CCDC6: variants seen among roughly 807,000 people sequenced by gnomAD.
The protein encoded by CCDC6 is coiled-coil domain-containing protein 6.
Under a neutral mutation model 56.6 loss-of-function variants are expected in CCDC6, and 20 were observed. The ratio of observed to expected loss-of-function variants is 0.35; its 90% CI spans 0.25 to 0.51. The LOEUF is 0.51. Ranked by LOEUF, CCDC6 falls within the 20% of genes least tolerant of loss-of-function variation. The probability of loss-of-function intolerance (pLI) is 0.95; values close to 1 mark genes in which losing one functional copy is unlikely to be tolerated. For missense variants in CCDC6, 367 were observed against 601.1 expected (o/e 0.61, Z 4.07); for synonymous variants, 241 against 234.4 (o/e 1.03, Z -0.26).
At chr10:59,815,791 T>C (rs1210721588) in intron 3 of CCDC6, among the ~76,000 whole-genome samples, 1 of 152,244 alleles carries the variant, frequency 6.6e-6, no homozygotes, top group African/African-American at 2.4e-5. Context: ...TTATTCTTGA[T>C]TGCACAAAGA....
chr10:59,904,614 C>T (rs541931343), intron 1 of CCDC6, among the ~76,000 whole-genome samples: 1 of 152,364 alleles, frequency 6.6e-6, no homozygotes, highest in East Asian at 1.9e-4. Context: ...GCATAGGAGG[C>T]TTGGAAGTGG....
At chr10:59,794,086 C>T (rs530423941) in intron 8 of CCDC6, among the ~76,000 whole-genome samples, 2 of 152,218 alleles carry the variant, frequency 1.3e-5, no homozygotes, top group East Asian at 3.9e-4. Flanking sequence ...AGTAACATTA[C>T]AAACAAGGCT....
chr10:59,841,462 T>G (rs899881192), intron 2 of CCDC6, among the ~76,000 whole-genome samples: 2 of 152,192 alleles, frequency 1.3e-5, no homozygotes, highest in African/African-American at 2.4e-5. Flanking sequence ...AGAAATACAA[T>G]TTTTCATATG....
In CCDC6 at chr10:59,789,299, T is replaced by C. The variant is rs1350442165; in HGVS notation, c.*3618A>G. The C allele has an allele frequency of 1.7e-5, 4 of 231,446 alleles. No homozygotes were observed. The East Asian group carries it at 2.4e-4, about 14-fold the overall frequency. 14.3% of individuals were successfully genotyped at this position (231,446 alleles called of 1,614,324 possible). ...CACACATGCACACACACAGCACCCA[T>C]GCTATCAAGACACAGGATTTTTTCA... On this transcript the variant is annotated 3_prime_UTR_variant, in exon 9 of 9. Transcript: ENST00000263102.
chr10:59,869,322 C>T (rs183096034), intron 1 of CCDC6, among the ~76,000 whole-genome samples: 48 of 143,204 alleles, frequency 3.4e-4, no homozygotes, highest in African/African-American at 1.2e-3. Context: ...CCAACATAAT[C>T]GACCCCAAAC....
At chr10:59,889,385 T>C (rs1422348341) in intron 1 of CCDC6, among the ~76,000 whole-genome samples, 5 of 152,204 alleles carry the variant, frequency 3.3e-5, no homozygotes, top group Non-Finnish European at 7.3e-5. Context: ...AGCCTGCTGT[T>C]TCAAGCTGCC....
intron 2 of CCDC6, among the ~76,000 whole-genome samples, chr10:59,835,934 A>G (rs1446351619): frequency 6.6e-6 from 1 of 151,466 alleles, no homozygotes; most frequent in Non-Finnish European, 1.5e-5. Flanking sequence ...GCGCACCTGT[A>G]GTCCCAGCTA....
At chr10:59,896,910 A>T (rs2071468143) in intron 1 of CCDC6, among the ~76,000 whole-genome samples, 1 of 152,216 alleles carries the variant, frequency 6.6e-6, no homozygotes, top group Non-Finnish European at 1.5e-5. Flanking sequence ...GGTATTTCAC[A>T]ATATAAACCC....
At chr10:59,855,143 C>G (rs1169399300) in intron 1 of CCDC6, among the ~76,000 whole-genome samples, 2 of 152,178 alleles carry the variant, frequency 1.3e-5, no homozygotes, top group Admixed American at 6.5e-5. Flanking sequence ...AGAGATTATT[C>G]TTGTGAGAAG....
At chr10:59,821,386 T>TG (rs1341601762) in intron 3 of CCDC6, among the ~76,000 whole-genome samples, 2 of 152,234 alleles carry the variant, frequency 1.3e-5, no homozygotes, top group Non-Finnish European at 2.9e-5. Context: ...GTCAGCTGTC[T>TG]GTTCAGGTGA....
intron 7 of CCDC6, among the ~76,000 whole-genome samples, chr10:59,799,152 C>T (rs1209429524): frequency 1.3e-5 from 2 of 151,222 alleles, no homozygotes; most frequent in Non-Finnish European, 2.9e-5. Context: ...AAATCCTGGC[C>T]GGTCATGGTG....
intron 3 of CCDC6, 144 bp downstream of exon 3, chr10:59,832,381 C>T (rs2070842078): frequency 4.7e-6 from 3 of 644,540 alleles, no homozygotes; most frequent in Non-Finnish European, 7.7e-6. Context: ...CCTGTCAATG[C>T]TCACTTTAGA....
At chr10:59,840,824 A>G (rs1204637019) in intron 2 of CCDC6, among the ~76,000 whole-genome samples, 2 of 152,200 alleles carry the variant, frequency 1.3e-5, no homozygotes, top group Non-Finnish European at 2.9e-5. Flanking sequence ...TTTCTTCAAA[A>G]TGTACCCAGA....
At chr10:59,830,942 G>T (rs2070830183) in intron 3 of CCDC6, among the ~76,000 whole-genome samples, 1 of 152,190 alleles carries the variant, frequency 6.6e-6, no homozygotes, top group African/African-American at 2.4e-5. Context: ...TGAAGGGCAT[G>T]GCCAGGCAAA....
intron 1 of CCDC6, among the ~76,000 whole-genome samples, chr10:59,854,670 T>TC (rs2071066420): frequency 1.3e-5 from 2 of 152,122 alleles, no homozygotes. Context: ...ATACTTCTCC[T>TC]CCCCCTTTAA....
At chr10:59,794,353 A>C in intron 8 of CCDC6, 120 bp downstream of exon 8, 1 of 956,440 alleles carries the variant, frequency 1.0e-6, no homozygotes, top group East Asian at 2.5e-5. Context: ...TTTCAAGGTG[A>C]ACGGATGGAG....
chr10:59,852,741 C>T (rs2071049795), intron 1 of CCDC6, 39 bp from the exon 2 acceptor site: 1 of 1,450,662 alleles, frequency 6.9e-7, no homozygotes, highest in East Asian at 2.5e-5. Context: ...AAACAAAACA[C>T]ATGTTAAGGA....
intron 1 of CCDC6, among the ~76,000 whole-genome samples, chr10:59,905,910 A>T (rs2071541489): frequency 6.6e-6 from 1 of 152,070 alleles, no homozygotes; most frequent in African/African-American, 2.4e-5. Flanking sequence ...GCACCGCGCA[A>T]GGGTCCTCAG....
At chr10:59,833,764 G>T (rs2070855088) in intron 2 of CCDC6, among the ~76,000 whole-genome samples, 1 of 151,836 alleles carries the variant, frequency 6.6e-6, no homozygotes, top group African/African-American at 2.4e-5. Context: ...GGCTGAATAG[G>T]ACACTGCTCC....
Sources: gnomAD v4.1 joint callset for allele counts (sites outside exome capture counted in the v4.1 genomes callset) on GRCh38, gnomAD v4.1.1 for gene constraint, MANE v1.5 for transcripts, NCBI Gene and HGNC (gene_info 2026-07-23, HGNC 2026-07-21) for gene names.